MAOA: variants seen among roughly 807,000 people sequenced by gnomAD.
MAOA encodes amine oxidase [flavin-containing] A.
Under a neutral mutation model 42.0 loss-of-function variants are expected in MAOA, and 6 were observed. That is an observed-to-expected ratio of 0.14 (90% CI 0.08 to 0.28). MAOA has a LOEUF of 0.28. Among genes scored for constraint, MAOA ranks in the 10% least tolerant of loss-of-function variants. The pLI is 1.00. For synonymous variants in MAOA, 140 were observed against 154.0 expected (o/e 0.91, Z 0.67); for missense variants, 262 against 422.3 (o/e 0.62, Z 3.33).
intron 3 of MAOA, among the ~76,000 whole-genome samples, chrX:43,711,016 A>G (rs1196977422): frequency 8.9e-6 from 1 of 111,938 alleles, no homozygotes; most frequent in African/African-American, 3.3e-5. Context: ...CCATGGGGAA[A>G]GAAAACCCAC....
intron 5 of MAOA, among the ~76,000 whole-genome samples, chrX:43,717,234 G>C (rs1271919686): frequency 9.0e-6 from 1 of 111,057 alleles, no homozygotes; most frequent in Non-Finnish European, 1.9e-5. Context: ...TAGATGTTTT[G>C]TGAGGGAGTG....
chrX:43,718,421 G>A (rs1667932443), intron 5 of MAOA, among the ~76,000 whole-genome samples: 1 of 96,877 alleles, frequency 1.0e-5, no homozygotes, highest in African/African-American at 3.9e-5. Context: ...GAATGAGCCA[G>A]AGGATTAGTG....
chrX:43,679,049 C>T (rs1352796552), intron 1 of MAOA, among the ~76,000 whole-genome samples: 1 of 111,268 alleles, frequency 9.0e-6, no homozygotes, highest in African/African-American at 3.3e-5. Context: ...AATTCTAAGA[C>T]CTTTTAGAAA....
Position 43,744,627 on chromosome X carries a change from C to T in MAOA, c.*114C>T. ...TGTTTAAGTGTACTGGATTTAACTA[C>T]CTTTGGCTTAATTCCAATCATTGTT... On this transcript the variant is annotated 3_prime_UTR_variant, in exon 15 of 15. Transcript: ENST00000338702. The T allele has an allele frequency of 2.4e-6, 2 of 827,617 alleles. No individual in the cohort carries two copies. Among genetic ancestry groups the T allele is most frequent in the African/African-American group, 2.0e-5 (1 of 49,762 alleles). 68.2% of individuals were successfully genotyped at this position (827,617 alleles called of 1,213,427 possible).
intron 9 of MAOA, among the ~76,000 whole-genome samples, chrX:43,735,293 A>G (rs2033911931): frequency 8.9e-6 from 1 of 112,421 alleles, no homozygotes; most frequent in African/African-American, 3.2e-5. Flanking sequence ...ATGGAAAAAT[A>G]ATTTCATTGT....
At chrX:43,684,864 CTTTTCTTTTCTT>C (rs2033472563) in intron 2 of MAOA, among the ~76,000 whole-genome samples, 1 of 89,203 alleles carries the variant, frequency 1.1e-5, no homozygotes, top group African/African-American at 4.1e-5. Context: ...CTTTTCTTTT[CTTTTCTTTTCTT>C]TTTTTTTTTT....
chrX:43,718,330 G>A (rs1196527796), intron 5 of MAOA, among the ~76,000 whole-genome samples: 1 of 101,368 alleles, frequency 9.9e-6, no homozygotes, highest in African/African-American at 3.7e-5. Flanking sequence ...TAGAGAGATG[G>A]TGTCTTCCAG....
chrX:43,727,644 T>C (rs938733287), intron 5 of MAOA, among the ~76,000 whole-genome samples: 1 of 112,921 alleles, frequency 8.9e-6, no homozygotes, highest in Non-Finnish European at 1.9e-5. Context: ...GGGAATCTCC[T>C]GATCTGCCAG....
intron 5 of MAOA, among the ~76,000 whole-genome samples, chrX:43,714,274 G>C (rs1012353748): frequency 9.0e-6 from 1 of 110,942 alleles, no homozygotes; most frequent in Admixed American, 9.5e-5. Flanking sequence ...GGGGGATTTT[G>C]TCTTCTAGGA....
intron 3 of MAOA, among the ~76,000 whole-genome samples, chrX:43,704,784 T>A (rs991862099): frequency 8.9e-6 from 1 of 111,956 alleles, no homozygotes; most frequent in Admixed American, 9.5e-5. Flanking sequence ...AAGATCAATA[T>A]TCAAAAATAA....
intron 6 of MAOA, among the ~76,000 whole-genome samples, chrX:43,730,561 G>A (rs1489480346): frequency 3.0e-5 from 3 of 99,222 alleles, no homozygotes; most frequent in Admixed American, 2.4e-4. Flanking sequence ...GTGCAATCTC[G>A]GCTCACTGCA....
chrX:43,742,517 G>A lies in MAOA; in HGVS notation c.1262+470G>A, dbSNP rs186183267. Among the ~76,000 whole-genome samples, 8 of 112,703 alleles carry A rather than the reference G, an allele frequency of 7.1e-5. No individual in the cohort carries two copies. The East Asian group carries it at 2.2e-3, about 32-fold the overall frequency. On this transcript the variant is annotated intron_variant, in intron 12 of 14. Coordinates refer to ENST00000338702, the MANE Select transcript of MAOA (RefSeq NM_000240.4). ...TGAGATGTGAGGAAATGACATCCAC[G>A]TGGGGTGGGTCCACCTTGACCTAGA...
chrX:43,699,045 G>A (rs1187429447), intron 3 of MAOA, among the ~76,000 whole-genome samples: 1 of 111,434 alleles, frequency 9.0e-6, no homozygotes, highest in African/African-American at 3.3e-5. Flanking sequence ...GAGAGGCTGA[G>A]GCAGGAGGAT....
intron 1 of MAOA, among the ~76,000 whole-genome samples, chrX:43,656,650 T>G (rs1207262151): frequency 9.0e-6 from 1 of 111,581 alleles, no homozygotes; most frequent in African/African-American, 3.3e-5. Context: ...TACTAATATT[T>G]AATTAGCTCT....
chrX:43,656,130 G>A, upstream of MAOA: 1 of 439,404 alleles, frequency 2.3e-6, no homozygotes, highest in Non-Finnish European at 4.0e-6. Flanking sequence ...AGCTCCCCCC[G>A]GGTATCAGCT....
In MAOA at chrX:43,744,606, T is replaced by A; in HGVS notation, c.*93T>A. ...AAAGGCTGTGTCATTGGGCCATGTT[T>A]AAGTGTACTGGATTTAACTACCTTT... On this transcript the variant is annotated 3_prime_UTR_variant, in exon 15 of 15. Coordinates refer to ENST00000338702, the MANE Select transcript of MAOA (RefSeq NM_000240.4). 1.0e-6 allele frequency: 1 copy of A among 994,775 alleles called. No homozygotes were observed. The highest frequency in any genetic ancestry group is 1.4e-6 in the Non-Finnish European group (1 of 701,182). The allele number at this position is 994,775 out of a possible 1,213,427, so 82.0% of individuals were successfully genotyped here.
chrX:43,676,920 G>A (rs971060571), intron 1 of MAOA, among the ~76,000 whole-genome samples: 2 of 110,444 alleles, frequency 1.8e-5, no homozygotes, highest in Admixed American at 9.7e-5. Flanking sequence ...TTTTTTATGA[G>A]GAGTACACTA....
intron 5 of MAOA, among the ~76,000 whole-genome samples, chrX:43,723,208 T>C (rs2033805536): frequency 9.0e-6 from 1 of 111,660 alleles, no homozygotes; most frequent in African/African-American, 3.3e-5. Context: ...TAAAGTAGTT[T>C]TTTCCAATTC....
chrX:43,727,153 C>T (rs778240093), intron 5 of MAOA, among the ~76,000 whole-genome samples: 38 of 111,868 alleles, frequency 3.4e-4, no homozygotes, highest in East Asian at 2.8e-4. Context: ...ACACGGGGGT[C>T]GGGGCCCACT....
Sources: gnomAD v4.1 joint callset for allele counts (sites outside exome capture counted in the v4.1 genomes callset) on GRCh38, gnomAD v4.1.1 for gene constraint, MANE v1.5 for transcripts, NCBI Gene and HGNC (gene_info 2026-07-23, HGNC 2026-07-21) for gene names.